The following ZDHHC15 variants were observed in gnomAD, a reference collection of about 807,000 sequenced individuals.
The protein encoded by ZDHHC15 is palmitoyltransferase ZDHHC15.
ZDHHC15 carries 19 observed loss-of-function variants against 31.7 expected under a neutral mutation model. The ratio of observed to expected loss-of-function variants is 0.60; its 90% CI spans 0.42 to 0.88. ZDHHC15 has a LOEUF of 0.88. Among genes scored for constraint, ZDHHC15 ranks in the 40% least tolerant of loss-of-function variants. ZDHHC15 has a pLI of 0.00. For synonymous variants in ZDHHC15, 103 were observed against 90.0 expected, an observed-to-expected ratio of 1.14 and a Z score of -0.82; for missense variants, 209 against 251.2, an observed-to-expected ratio of 0.83 and a Z score of 1.14.
chrX:75,511,655 G>C (rs1158046460), intron 1 of ZDHHC15, among the ~76,000 whole-genome samples: 1 of 106,448 alleles, frequency 9.4e-6, no homozygotes, highest in African/African-American at 3.4e-5. Flanking sequence ...CCTTGCCCAC[G>C]CCTATGAAGA....
chrX:75,433,994 G>A (rs984524214), intron 4 of ZDHHC15, among the ~76,000 whole-genome samples: 6 of 110,945 alleles, frequency 5.4e-5, no homozygotes, highest in African/African-American at 2.0e-4. Context: ...CCACATCAAA[G>A]CCAACGTTTA....
intron 2 of ZDHHC15, among the ~76,000 whole-genome samples, chrX:75,498,146 G>A (rs919596998): frequency 1.8e-5 from 2 of 109,372 alleles, no homozygotes; most frequent in Admixed American, 2.0e-4. Context: ...TTGGTCAGGC[G>A]GGTCTCAAAC....
chrX:75,453,517 A>G lies in ZDHHC15; in HGVS notation c.259-2595T>C, dbSNP rs2084160792. ...ATTTCAATTGATAGAAAAAGAGGGA[A>G]TCCTCCCTAACTCATTTTATGAGGC... On this transcript the variant is annotated intron_variant, in intron 3 of 11. Coordinates refer to ENST00000373367, the MANE Select transcript of ZDHHC15 (RefSeq NM_144969.3). 2.7e-5 allele frequency among the ~76,000 whole-genome samples: 3 copies of G among 111,791 alleles called. No individual in the cohort carries two copies. In the Admixed American group the frequency reaches 2.9e-4, roughly 11 times the overall value.
intron 6 of ZDHHC15, among the ~76,000 whole-genome samples, chrX:75,429,639 G>A (rs2083754844): frequency 8.9e-6 from 1 of 111,871 alleles, no homozygotes. Context: ...AAGCCAACTA[G>A]AAACAGAACT....
intron 2 of ZDHHC15, among the ~76,000 whole-genome samples, chrX:75,493,937 A>G (rs893845719): frequency 8.1e-5 from 9 of 111,672 alleles, no homozygotes; most frequent in Non-Finnish European, 1.3e-4. Context: ...GGCCAGGGCA[A>G]TAAGGCAGGG....
At chrX:75,475,504 A>G (rs1317382745) in intron 3 of ZDHHC15, among the ~76,000 whole-genome samples, 9 of 112,190 alleles carry the variant, frequency 8.0e-5, no homozygotes, top group Non-Finnish European at 1.7e-4. Context: ...TGCTTTTAGC[A>G]TGGTTGTTGA....
At chrX:75,410,775 A>T (rs989056266) in intron 10 of ZDHHC15, among the ~76,000 whole-genome samples, 16 of 112,513 alleles carry the variant, frequency 1.4e-4, no homozygotes, top group African/African-American at 3.9e-4. Context: ...TCAAAGAGAT[A>T]TTTGTACTCC....
intron 3 of ZDHHC15, among the ~76,000 whole-genome samples, chrX:75,476,398 T>C (rs1317596966): frequency 9.0e-6 from 1 of 111,271 alleles, no homozygotes; most frequent in Non-Finnish European, 1.9e-5. Context: ...TTGTTAAAAG[T>C]CTATTCAGAT....
chrX:75,519,469 T>A (rs915829097), intron 1 of ZDHHC15, among the ~76,000 whole-genome samples: 2 of 111,614 alleles, frequency 1.8e-5, no homozygotes, highest in Non-Finnish European at 3.8e-5. Context: ...GCAAGGTACA[T>A]GTGAGACAAC....
chrX:75,409,485 CAAAAAAAAAAA>C (rs60512653), intron 10 of ZDHHC15, among the ~76,000 whole-genome samples: 1 of 28,542 alleles, frequency 3.5e-5, no homozygotes, highest in Admixed American at 6.2e-4. Context: ...AAGTCCCTGC[CAAAAAAAAAAA>C]AAAAAAAAAA....
chrX:75,447,149 G>T (rs938849366), intron 4 of ZDHHC15, among the ~76,000 whole-genome samples: 11 of 111,697 alleles, frequency 9.8e-5, no homozygotes, highest in Non-Finnish European at 2.1e-4. Flanking sequence ...TACCCAATCT[G>T]CCAGCAGCAG....
Position 75,484,921 on chromosome X carries a change from A to G in ZDHHC15, c.164-5936T>C, listed in dbSNP as rs187061657. Among the ~76,000 whole-genome samples the G allele has an allele frequency of 3.9e-4, 44 of 112,228 alleles. 1 individual carries two copies. The East Asian group carries it at 8.7e-3, about 22-fold the overall frequency. ...TACTTCATACACATACTCACAGATG[A>G]ATCTTAAAAATATATGATGCTAAGT... On this transcript the variant is annotated intron_variant, in intron 2 of 11. Transcript: ENST00000373367.
At chrX:75,490,606 A>T (rs772364214) in intron 2 of ZDHHC15, among the ~76,000 whole-genome samples, 1 of 111,618 alleles carries the variant, frequency 9.0e-6, no homozygotes, top group East Asian at 2.8e-4. Context: ...CATGATACTG[A>T]TTCGTCCTCC....
rs779238390 is a variant in ZDHHC15 at position 75,444,762 on chromosome X, C to T, written c.379+6040G>A. ...AAAATACCATGTGTACTACTGCAGA[C>T]TGGAAATGGTAATGTTTAAATAAAT... On this transcript the variant is annotated intron_variant, in intron 4 of 11. Coordinates refer to ENST00000373367, the MANE Select transcript of ZDHHC15 (RefSeq NM_144969.3). Among the ~76,000 whole-genome samples the T allele has an allele frequency of 4.1e-5, 4 of 98,057 alleles. No individual in the cohort carries two copies. In the South Asian group the frequency reaches 2.1e-3, roughly 50 times the overall value. The allele number at this position is 98,057 out of a possible 115,157, so 85.2% of individuals were successfully genotyped here.
At chrX:75,503,185 G>GA (rs2085112465) in intron 2 of ZDHHC15, among the ~76,000 whole-genome samples, 3 of 110,221 alleles carry the variant, frequency 2.7e-5, no homozygotes, top group Admixed American at 2.0e-4. Context: ...AACCAAGGCA[G>GA]ATATTATATA....
chrX:75,466,195 A>G (rs2084403266), intron 3 of ZDHHC15, among the ~76,000 whole-genome samples: 1 of 112,455 alleles, frequency 8.9e-6, no homozygotes, highest in Non-Finnish European at 1.9e-5. Flanking sequence ...ACATGTAAAA[A>G]AAGCTCAACA....
At chrX:75,491,800 A>G (rs1031697548) in intron 2 of ZDHHC15, among the ~76,000 whole-genome samples, 2 of 111,086 alleles carry the variant, frequency 1.8e-5, no homozygotes, top group African/African-American at 3.3e-5. Flanking sequence ...AGCGCTAAAC[A>G]TGGAAAGGAA....
intron 2 of ZDHHC15, among the ~76,000 whole-genome samples, chrX:75,505,226 C>T (rs1426220148): frequency 9.0e-6 from 1 of 111,561 alleles, no homozygotes; most frequent in African/African-American, 3.2e-5. Context: ...TCTCAACTGG[C>T]TGTATAAAGT....
At chrX:75,492,252 C>A (rs978743264) in intron 2 of ZDHHC15, among the ~76,000 whole-genome samples, 2 of 111,253 alleles carry the variant, frequency 1.8e-5, no homozygotes, top group African/African-American at 6.5e-5. Flanking sequence ...ATATATGAAC[C>A]CAATACAGGA....
Sources: allele counts gnomAD v4.1 joint callset (sites outside exome capture counted in the v4.1 genomes callset), GRCh38; gene constraint gnomAD v4.1.1; transcripts MANE v1.5; gene names NCBI Gene and HGNC (gene_info 2026-07-23, HGNC 2026-07-21).